The following CTNNA3 variants were observed in gnomAD, a reference collection of about 807,000 sequenced individuals.
The protein encoded by CTNNA3 is catenin alpha 3, also known as catenin alpha-3.
Under a neutral mutation model 95.7 loss-of-function variants are expected in CTNNA3, and 76 were observed. The ratio of observed to expected loss-of-function variants is 0.79; its 90% CI spans 0.66 to 0.96. CTNNA3 has a LOEUF of 0.96. Ranked by LOEUF, CTNNA3 falls within the 40% of genes least tolerant of loss-of-function variation. The pLI is 0.00. For missense variants in CTNNA3, 1,191 were observed against 1,089.8 expected (o/e 1.09, Z -1.31); for synonymous variants, 431 against 374.4 (o/e 1.15, Z -1.74).
At chr10:66,404,927 C>T (rs575231305) in intron 11 of CTNNA3, among the ~76,000 whole-genome samples, 1 of 152,156 alleles carries the variant, frequency 6.6e-6, no homozygotes, top group East Asian at 1.9e-4. Context: ...CAGAACATTC[C>T]AAAGAGAGGG....
At chr10:66,669,950 G>A (rs1846599408) in intron 9 of CTNNA3, among the ~76,000 whole-genome samples, 1 of 152,030 alleles carries the variant, frequency 6.6e-6, no homozygotes, top group Admixed American at 6.6e-5. Context: ...AAAAACAATT[G>A]CATGAAAAAT....
chr10:66,299,200 C>A (rs10822796), intron 12 of CTNNA3, among the ~76,000 whole-genome samples: 151,190 of 152,160 alleles, frequency 0.99, 75,118 homozygotes, highest in Middle Eastern at 1. Flanking sequence ...ATAAAACCAA[C>A]CTGTGTTCTC....
intron 5 of CTNNA3, among the ~76,000 whole-genome samples, chr10:67,268,308 A>ATAAAT (rs200272425): frequency 0.15 from 19,285 of 126,826 alleles, 1,418 homozygotes; most frequent in African/African-American, 0.21. Flanking sequence ...CTCTACAAAA[A>ATAAAT]TAAATTAAAT....
In CTNNA3 at chr10:66,664,521, GTTGTGA is replaced by G. The variant is rs1382083605; in HGVS notation, c.1282-42743_1282-42738del. On this transcript the variant is annotated intron_variant, in intron 9 of 17. Coordinates refer to ENST00000433211, the MANE Select transcript of CTNNA3 (RefSeq NM_013266.4). ...GGGGTTGGATGAAGCTAGCCTAGTA[GTTGTGA>G]GCCTTGTCAGGCCCTTTGGGAAATG... Among the ~76,000 whole-genome samples the G allele has an allele frequency of 5.6e-4, 85 of 152,218 alleles. 2 individuals are homozygous for G. The East Asian group carries it at 0.015, about 26-fold the overall frequency.
At chr10:66,086,331 T>A (rs532375606) in intron 14 of CTNNA3, among the ~76,000 whole-genome samples, 1 of 152,246 alleles carries the variant, frequency 6.6e-6, no homozygotes, top group African/African-American at 2.4e-5. Flanking sequence ...TTTGGAGGAA[T>A]CTTTCAGGAA....
At chr10:66,369,556 G>T (rs1260375969) in intron 12 of CTNNA3, among the ~76,000 whole-genome samples, 1 of 152,092 alleles carries the variant, frequency 6.6e-6, no homozygotes, top group African/African-American at 2.4e-5. Flanking sequence ...TGCGCAACGT[G>T]CAGGTTAGTT....
At chr10:67,456,253 T>A (rs182891513) in intron 5 of CTNNA3, among the ~76,000 whole-genome samples, 1 of 152,192 alleles carries the variant, frequency 6.6e-6, no homozygotes, top group East Asian at 1.9e-4. Flanking sequence ...CTTATCTCAA[T>A]TCTTACCATG....
chr10:67,128,438 CT>C (rs901244264), intron 7 of CTNNA3, among the ~76,000 whole-genome samples: 60 of 148,022 alleles, frequency 4.1e-4, no homozygotes, highest in East Asian at 1.4e-3. Flanking sequence ...TAATCTGATC[CT>C]TTTTTTTTTA....
chr10:67,631,857 A>T (rs910033451), intron 2 of CTNNA3, among the ~76,000 whole-genome samples: 6 of 152,200 alleles, frequency 3.9e-5, no homozygotes, highest in Admixed American at 6.5e-5. Context: ...GCTAAATGGA[A>T]TAAGCCAGAC....
intron 10 of CTNNA3, among the ~76,000 whole-genome samples, chr10:66,620,547 A>G (rs1158596909): frequency 2.0e-5 from 3 of 152,190 alleles, no homozygotes; most frequent in Non-Finnish European, 2.9e-5. Flanking sequence ...CTTGAGCATT[A>G]TTCACAATGT....
intron 11 of CTNNA3, among the ~76,000 whole-genome samples, chr10:66,393,265 A>T (rs1564923320): frequency 6.6e-6 from 1 of 152,064 alleles, no homozygotes; most frequent in Non-Finnish European, 1.5e-5. Context: ...AGATGGTAAA[A>T]CTATTCTGTG....
At chr10:67,581,035 T>C (rs1589450539) in intron 3 of CTNNA3, among the ~76,000 whole-genome samples, 2 of 152,172 alleles carry the variant, frequency 1.3e-5, no homozygotes, top group African/African-American at 4.8e-5. Context: ...CTTTTCCTAA[T>C]TGAATACCCT....
intron 11 of CTNNA3, among the ~76,000 whole-genome samples, chr10:66,380,955 G>A (rs935465206): frequency 2.0e-5 from 3 of 151,826 alleles, no homozygotes; most frequent in African/African-American, 7.3e-5. Context: ...ATAATAATGG[G>A]AGACTTTAAC....
chr10:67,561,664 AC>A (rs1263578882), intron 3 of CTNNA3, among the ~76,000 whole-genome samples: 4 of 151,582 alleles, frequency 2.6e-5, no homozygotes, highest in Admixed American at 1.3e-4. Flanking sequence ...AAATAGAGAC[AC>A]AAAAAACCCT....
At chr10:67,106,930 A>G (rs1428802434) in intron 7 of CTNNA3, among the ~76,000 whole-genome samples, 1 of 152,212 alleles carries the variant, frequency 6.6e-6, no homozygotes, top group Non-Finnish European at 1.5e-5. Flanking sequence ...AGCAAAGAGA[A>G]AAGACATCCA....
chr10:66,971,254 C>T (rs1040564819), intron 7 of CTNNA3, among the ~76,000 whole-genome samples: 2 of 151,872 alleles, frequency 1.3e-5, no homozygotes, highest in East Asian at 3.9e-4. Context: ...AGTGAAACCC[C>T]GTCTCTACTA....
chr10:67,185,162 C>T (rs1862774415), intron 6 of CTNNA3, among the ~76,000 whole-genome samples: 1 of 151,870 alleles, frequency 6.6e-6, no homozygotes, highest in Non-Finnish European at 1.5e-5. Context: ...TGGAGTCTCA[C>T]TCTGTTGCCA....
At position 67,138,310 on chromosome 10, in the gene CTNNA3, A is replaced by G. The variant is rs150252606; in HGVS notation, c.1047+42007T>C. 5.7e-3 allele frequency among the ~76,000 whole-genome samples: 863 copies of G among 152,344 alleles called. 7 individuals carry two copies. The highest frequency in any genetic ancestry group is 0.01 in the Middle Eastern group (3 of 294). On this transcript the variant is annotated intron_variant, in intron 7 of 17. Transcript: ENST00000433211. Reference sequence around the variant, plus strand: ...CTTCAGGTAGTCATCAAAGAACAACATAAGTGGATATCAGAAATAAACTTT... The same window carrying G: ...CTTCAGGTAGTCATCAAAGAACAACGTAAGTGGATATCAGAAATAAACTTT...
rs578099878 is a variant in CTNNA3 at position 66,157,023 on chromosome 10, G to A, written c.1885-53774C>T. ...TGCATTTGGGTTTTGGTTTTGTTTT[G>A]TTTTGCTTTCCTTATTTCCTTTTTT... is the stretch of plus-strand genomic sequence containing the variant. On this transcript the variant is annotated intron_variant, in intron 13 of 17. Coordinates refer to ENST00000433211, the MANE Select transcript of CTNNA3 (RefSeq NM_013266.4). Among the ~76,000 whole-genome samples the A allele has an allele frequency of 7.2e-5, 11 of 151,882 alleles. No homozygotes were observed. The East Asian group carries it at 2.1e-3, about 29-fold the overall frequency.
Sources: allele counts gnomAD v4.1 joint callset (sites outside exome capture counted in the v4.1 genomes callset), GRCh38; gene constraint gnomAD v4.1.1; transcripts MANE v1.5; gene names NCBI Gene and HGNC (gene_info 2026-07-23, HGNC 2026-07-21).